Variants in PEX3 observed in about 807,000 individuals in gnomAD.
PEX3 encodes the protein peroxin-3.
In PEX3, 30 loss-of-function variants were observed where a neutral mutation model predicts 55.8. The observed-to-expected ratio is 0.54, with a 90% CI of 0.40 to 0.73. The LOEUF is 0.73. PEX3 is among the 30% of genes least tolerant of loss of function. The pLI is 0.00. For synonymous variants in PEX3, 135 were observed against 148.4 expected, an observed-to-expected ratio of 0.91 and a Z score of 0.66; for missense variants, 351 against 432.8, an observed-to-expected ratio of 0.81 and a Z score of 1.68.
intron 9 of PEX3, among the ~76,000 whole-genome samples, chr6:143,478,698 C>G (rs1272054910): frequency 2.6e-5 from 4 of 152,030 alleles, no homozygotes; most frequent in Non-Finnish European, 5.9e-5. Context: ...GTATCATTTC[C>G]TCATCTGTAC....
At chr6:143,478,993 C>A in intron 9 of PEX3, 83 bp from the exon 10 acceptor site, 1 of 813,588 alleles carries the variant, frequency 1.2e-6, no homozygotes, top group South Asian at 1.5e-5. Flanking sequence ...TGGTGGCTTT[C>A]AAAGGTAACC....
In PEX3 at chr6:143,471,098, G is replaced by T; in HGVS notation, c.456+13G>T. 6.2e-7 allele frequency: 1 copy of T among 1,609,712 alleles called. No individual in the cohort carries two copies. The highest frequency in any genetic ancestry group is 1.1e-5 in the South Asian group (1 of 90,960). On this transcript the variant is annotated intron_variant, in intron 5 of 11. Coordinates refer to ENST00000367591, the MANE Select transcript of PEX3 (RefSeq NM_003630.3). The surrounding 1 kb of genome is among the most constrained non-coding windows in gnomAD (Gnocchi z 5.4). ...CAAAAATGGCACTGTAAGTTTAATA[G>T]ACTTAAATAGACATTGTTCTTTCCC...
At position 143,483,687 on chromosome 6, in the gene PEX3, C is replaced by T. The variant is rs1417406315; in HGVS notation, c.942-1465C>T. Among the ~76,000 whole-genome samples the T allele has an allele frequency of 6.6e-6, 1 of 152,024 alleles. No individual in the cohort carries two copies. The highest frequency in any genetic ancestry group is 1.5e-5 in the Non-Finnish European group (1 of 67,986). ...AATTTACATTGTATGATTTCTTTGA[C>T]TGGTTTGTGGAAAAGGAATTGGGTA... On this transcript the variant is annotated intron_variant, in intron 10 of 11. Coordinates refer to ENST00000367591, the MANE Select transcript of PEX3 (RefSeq NM_003630.3). This position sits in a 1 kb window ranked among gnomAD's most constrained non-coding sequence, Gnocchi z 4.3.
intron 10 of PEX3, chr6:143,484,936 A>G: frequency 1.9e-6 from 1 of 522,506 alleles, no homozygotes; most frequent in Non-Finnish European, 3.4e-6. Context: ...GGTAGACACA[A>G]AAAAACAAAG....
chr6:143,468,211 T>A (rs1488077418), intron 4 of PEX3, 46 bp downstream of exon 4: 2 of 1,279,574 alleles, frequency 1.6e-6, no homozygotes, highest in Middle Eastern at 1.8e-4. Context: ...AAAATATTTA[T>A]AAAGGGAAAT....
In PEX3 at chr6:143,485,034, C is replaced by G; in HGVS notation, c.942-118C>G. On this transcript the variant is annotated intron_variant, in intron 10 of 11. Coordinates refer to ENST00000367591, the MANE Select transcript of PEX3 (RefSeq NM_003630.3). This position sits in a 1 kb window ranked among gnomAD's most constrained non-coding sequence, Gnocchi z 5.6. ...GCGATAGAATTGTGGGGTTTTTTTTCCTTTTTAATAGATTTCCAAAAATAT... is the reference window on the plus strand; with the variant it reads ...GCGATAGAATTGTGGGGTTTTTTTTGCTTTTTAATAGATTTCCAAAAATAT... 1 of 700,406 alleles carries G rather than the reference C, an allele frequency of 1.4e-6. No individual in the cohort carries two copies. The allele number at this position is 700,406 out of a possible 1,614,324, so 43.4% of individuals were successfully genotyped here. A position where few individuals can be genotyped will look rare whatever the true frequency, so the allele number is the denominator to read the frequency against.
Position 143,479,204 on chromosome 6 carries a change from A to G in PEX3, c.941+6A>G. The G allele has an allele frequency of 6.3e-7, 1 of 1,598,602 alleles. No homozygotes were observed. Among genetic ancestry groups the G allele is most frequent in the Middle Eastern group, 1.7e-4 (1 of 6,036 alleles). ...CATGGTAACTCTATGAATAGGTAAG[A>G]TGACATATAAAAATGTTATACTAAT... On this transcript the variant is annotated splice_donor_region_variant and intron_variant, in intron 10 of 11. Transcript: ENST00000367591. This position sits in a 1 kb window ranked among gnomAD's most constrained non-coding sequence, Gnocchi z 4.6.
Position 143,450,993 on chromosome 6 carries a change from G to C in PEX3, c.-50G>C. 7.5e-7 allele frequency: 1 copy of C among 1,332,646 alleles called. No individual in the cohort carries two copies. Among genetic ancestry groups the C allele is most frequent in the Non-Finnish European group, 1.1e-6 (1 of 922,834 alleles). The allele number at this position is 1,332,646 out of a possible 1,614,324, so 82.6% of individuals were successfully genotyped here. A position where few individuals can be genotyped will look rare whatever the true frequency, so the allele number is the denominator to read the frequency against. On this transcript the variant is annotated 5_prime_UTR_variant, in exon 1 of 12. Coordinates refer to ENST00000367591, the MANE Select transcript of PEX3 (RefSeq NM_003630.3). The stretch of plus-strand genomic sequence containing the variant: ...CCAGGTGACGAAGAAACAGTTTCCT[G>C]GTGAAGCAGTCCCTCACCCCTAGTC...
At chr6:143,468,804 C>CCCA (rs1780027077) in intron 4 of PEX3, among the ~76,000 whole-genome samples, 1 of 15,130 alleles carries the variant, frequency 6.6e-5, no homozygotes, top group Non-Finnish European at 1.6e-4. Context: ...AATGCTATCC[C>CCCA]CCCCCCCCCC....
Position 143,450,996 on chromosome 6 carries a change from GA to G in PEX3, c.-45del. Reference sequence around the variant, plus strand: ...GGTGACGAAGAAACAGTTTCCTGGTGAAGCAGTCCCTCACCCCTAGTCAGCC... The same window carrying G: ...GGTGACGAAGAAACAGTTTCCTGGTGAGCAGTCCCTCACCCCTAGTCAGCC... On this transcript the variant is annotated 5_prime_UTR_variant, in exon 1 of 12. Coordinates refer to ENST00000367591, the MANE Select transcript of PEX3 (RefSeq NM_003630.3). 3 of 1,355,678 alleles carry G rather than the reference GA, an allele frequency of 2.2e-6. No individual in the cohort carries two copies. The highest frequency in any genetic ancestry group is 2.1e-6 in the Non-Finnish European group (2 of 943,722). 84.0% of individuals were successfully genotyped at this position (1,355,678 alleles called of 1,614,324 possible). A position where few individuals can be genotyped will look rare whatever the true frequency, so the allele number is the denominator to read the frequency against.
intron 4 of PEX3, among the ~76,000 whole-genome samples, 194 bp downstream of exon 4, chr6:143,468,359 ATTG>A (rs2128746369): frequency 6.6e-6 from 1 of 152,286 alleles, no homozygotes; most frequent in Admixed American, 6.5e-5. Context: ...TGGTAATGCT[ATTG>A]TTATTATGAT....
At position 143,467,370 on chromosome 6, in the gene PEX3, T is replaced by TATAA. The variant is rs926394607; in HGVS notation, c.288-734_288-731dup. Among the ~76,000 whole-genome samples, 13 of 152,150 alleles carry TATAA rather than the reference T, an allele frequency of 8.5e-5. No individual in the cohort carries two copies. In the East Asian group the frequency reaches 1.3e-3, roughly 16 times the overall value. ...TATTACCTTTTTGATCATATGCACA[T>TATAA]ATAAATAAATAAATAAATAAACATT... On this transcript the variant is annotated intron_variant, in intron 3 of 11. Transcript: ENST00000367591.
At chr6:143,474,917 T>C in intron 9 of PEX3, 61 bp downstream of exon 9, 1 of 907,364 alleles carries the variant, frequency 1.1e-6, no homozygotes, top group Non-Finnish European at 1.9e-6. Flanking sequence ...TTGAGACTAT[T>C]TTTTAGTTTT....
intron 4 of PEX3, among the ~76,000 whole-genome samples, chr6:143,469,898 T>C: frequency 6.6e-6 from 1 of 152,218 alleles, no homozygotes; most frequent in Non-Finnish European, 1.5e-5. Flanking sequence ...CCTTGCCTAT[T>C]TGAAAACAAA....
Position 143,479,099 on chromosome 6 carries a change from A to C in PEX3, c.842A>C (p.Asn281Thr). 1 of 1,580,546 alleles carries C rather than the reference A, an allele frequency of 6.3e-7. No individual in the cohort carries two copies. The highest frequency in any genetic ancestry group is 8.7e-7 in the Non-Finnish European group (1 of 1,149,708). Residue 281 changes from asparagine to threonine, a missense_variant, in exon 10 of 12, where the codon AAT becomes ACT. Asn to Thr is a moderately conservative substitution (Grantham distance 65). Transcript: ENST00000367591. The surrounding 1 kb of genome is among the most constrained non-coding windows in gnomAD (Gnocchi z 4.6). ...AGCCCAGATTTTAGTACAGTTTTGA[A>C]TACCTGTTTAAACCGAGGTTTTAGT... ...LESPDFSTVL[N>T]TCLNRGFSRL... is the part of the protein sequence containing the mutation.
chr6:143,481,715 T>C (rs1322718660), intron 10 of PEX3, among the ~76,000 whole-genome samples: 1 of 152,122 alleles, frequency 6.6e-6, no homozygotes, highest in Non-Finnish European at 1.5e-5. Flanking sequence ...AATACATTTT[T>C]ATATAATAAA....
In PEX3 at chr6:143,450,883, C is replaced by T. The variant is rs959314822; in HGVS notation, c.-160C>T. ...TGTAGTCCACGCCCCCTTGCCGCTC[C>T]GGTGACAGTCTCTGCGGAAAGTCAC... is the stretch of plus-strand genomic sequence containing the variant. On this transcript the variant is annotated 5_prime_UTR_variant, in exon 1 of 12. Coordinates refer to ENST00000367591, the MANE Select transcript of PEX3 (RefSeq NM_003630.3). 5.0e-6 allele frequency: 4 copies of T among 798,288 alleles called. No homozygotes were observed. The highest frequency in any genetic ancestry group is 4.9e-5 in the East Asian group (2 of 41,096). 49.5% of individuals were successfully genotyped at this position (798,288 alleles called of 1,614,324 possible). A position where few individuals can be genotyped will look rare whatever the true frequency, so the allele number is the denominator to read the frequency against.
Position 143,471,491 on chromosome 6 carries a change from T to G in PEX3, c.523+42T>G. 1 of 1,559,246 alleles carries G rather than the reference T, an allele frequency of 6.4e-7. No homozygotes were observed. Among genetic ancestry groups the G allele is most frequent in the East Asian group, 2.2e-5 (1 of 44,466 alleles). On this transcript the variant is annotated intron_variant, in intron 6 of 11. Coordinates refer to ENST00000367591, the MANE Select transcript of PEX3 (RefSeq NM_003630.3). The surrounding 1 kb of genome is among the most constrained non-coding windows in gnomAD (Gnocchi z 5.4). ...TGACTTTTATACTAATTTTAATTCATTTATTTTTATTATTGAGGAATTTTT... is the reference window on the plus strand; with the variant it reads ...TGACTTTTATACTAATTTTAATTCAGTTATTTTTATTATTGAGGAATTTTT...
In PEX3 at chr6:143,487,120, A is replaced by G. The variant is rs376858869; in HGVS notation, c.1038+1872A>G. Among the ~76,000 whole-genome samples the G allele has an allele frequency of 2.6e-5, 4 of 152,318 alleles. No homozygotes were observed. The highest frequency in any genetic ancestry group is 3.9e-4 in the East Asian group (2 of 5,180). ...TATTTTCAAATAGCTTTCAAATAACATAAGCAGGAGATAAATTATTTCAGA... is the reference window on the plus strand; with the variant it reads ...TATTTTCAAATAGCTTTCAAATAACGTAAGCAGGAGATAAATTATTTCAGA... On this transcript the variant is annotated intron_variant, in intron 11 of 11. Coordinates refer to ENST00000367591, the MANE Select transcript of PEX3 (RefSeq NM_003630.3). This position sits in a 1 kb window ranked among gnomAD's most constrained non-coding sequence, Gnocchi z 5.3.
Sources: gnomAD v4.1 joint callset for allele counts (sites outside exome capture counted in the v4.1 genomes callset) on GRCh38, gnomAD v4.1.1 for gene constraint, Gnocchi (gnomAD v3.1) non-coding constraint, MANE v1.5 for transcripts, NCBI Gene and HGNC (gene_info 2026-07-23, HGNC 2026-07-21) for gene names.